Variants in CKAP5 observed in about 807,000 individuals in gnomAD.
CKAP5 encodes cytoskeleton associated protein 5.
In CKAP5, 27 loss-of-function variants were observed where a neutral mutation model predicts 232.8. That is an observed-to-expected ratio of 0.12 (90% CI 0.09 to 0.16). CKAP5 has a LOEUF of 0.16. Among genes scored for constraint, CKAP5 ranks in the 10% least tolerant of loss-of-function variants. The pLI is 1.00. For missense variants in CKAP5, 1,838 were observed against 2,424.7 expected, an observed-to-expected ratio of 0.76 and a Z score of 5.08; for synonymous variants, 785 against 841.1, an observed-to-expected ratio of 0.93 and a Z score of 1.16.
chr11:46,785,032 G>A lies in CKAP5; in HGVS notation c.1969-359C>T, dbSNP rs142214387. ...AAAATACACAATAAATTACTATACT[G>A]ACTGCATAACTGAGAATTACTACTA... On this transcript the variant is annotated intron_variant, in intron 16 of 43. Coordinates refer to ENST00000529230, the MANE Select transcript of CKAP5 (RefSeq NM_001008938.4). 7.5e-3 allele frequency among the ~76,000 whole-genome samples: 1,136 copies of A among 152,160 alleles called. 14 individuals carry two copies. Among genetic ancestry groups the A allele is most frequent in the Admixed American group, 0.013 (199 of 15,268 alleles).
At chr11:46,804,397 C>T (rs1027285021) in intron 8 of CKAP5, among the ~76,000 whole-genome samples, 9 of 152,132 alleles carry the variant, frequency 5.9e-5, no homozygotes, top group African/African-American at 2.2e-4. Flanking sequence ...TGAGGGGGGA[C>T]TCCATTTCAG....
At chr11:46,787,659 TAA>T (rs1265350217) in intron 16 of CKAP5, among the ~76,000 whole-genome samples, 2 of 152,186 alleles carry the variant, frequency 1.3e-5, no homozygotes, top group Admixed American at 1.3e-4. Context: ...CTTGAATATG[TAA>T]AGATTGGATA....
chr11:46,759,930 T>C (rs1270553811), intron 33 of CKAP5, among the ~76,000 whole-genome samples: 2 of 152,196 alleles, frequency 1.3e-5, no homozygotes, highest in Admixed American at 6.5e-5. Flanking sequence ...CACCCCTTTT[T>C]AGAATATTCA....
intron 8 of CKAP5, among the ~76,000 whole-genome samples, chr11:46,804,267 T>C (rs762801344): frequency 6.6e-6 from 1 of 152,208 alleles, no homozygotes; most frequent in African/African-American, 2.4e-5. Flanking sequence ...TACCCTAATA[T>C]AATACCTGCC....
intron 1 of CKAP5, among the ~76,000 whole-genome samples, chr11:46,844,770 T>C (rs1940140412): frequency 6.6e-6 from 1 of 151,614 alleles, no homozygotes; most frequent in South Asian, 2.1e-4. Context: ...GCCTCCCGAG[T>C]AGCTAGGATT....
rs1194216299 is a variant in CKAP5 at position 46,788,764 on chromosome 11, G to A, written c.1885C>T (p.Leu629=). ...CMEEFQKAVE[L]MDRTEMPCQA... is the part of the protein sequence containing the mutation. ...CATGGCATTTCAGTTCGGTCCATTA[G>A]CTCAACAGCCTTGAAGTAAAATAAG... The change falls in exon 16 of 44, where the codon CTA becomes TTA. Residue 629 remains leucine, a synonymous_variant. Coordinates refer to ENST00000529230, the MANE Select transcript of CKAP5 (RefSeq NM_001008938.4). 1 of 1,604,706 alleles carries A rather than the reference G, an allele frequency of 6.2e-7. No individual in the cohort carries two copies. Among genetic ancestry groups the A allele is most frequent in the African/African-American group, 1.3e-5 (1 of 74,438 alleles).
chr11:46,775,955 C>T (rs1446783952), intron 24 of CKAP5, among the ~76,000 whole-genome samples: 2 of 151,868 alleles, frequency 1.3e-5, no homozygotes, highest in African/African-American at 4.8e-5. Flanking sequence ...ACATGTATCC[C>T]AGAGCTTAAA....
At chr11:46,786,400 C>T (rs1362775346) in intron 16 of CKAP5, among the ~76,000 whole-genome samples, 2 of 152,162 alleles carry the variant, frequency 1.3e-5, no homozygotes, top group Non-Finnish European at 2.9e-5. Context: ...AAAGTTTTGA[C>T]CCAAAGTACT....
intron 18 of CKAP5, among the ~76,000 whole-genome samples, chr11:46,781,629 T>G (rs1361939760): frequency 6.6e-6 from 1 of 152,196 alleles, no homozygotes; most frequent in Non-Finnish European, 1.5e-5. Flanking sequence ...TTTTGGCATT[T>G]GCTCTTCCCT....
intron 1 of CKAP5, among the ~76,000 whole-genome samples, chr11:46,822,939 T>A (rs1317404881): frequency 6.6e-6 from 1 of 152,112 alleles, no homozygotes; most frequent in Non-Finnish European, 1.5e-5. Context: ...AAAGTCAACA[T>A]CCTTTTAATA....
chr11:46,769,847 G>C (rs1178044077), intron 26 of CKAP5, 116 bp downstream of exon 26: 1 of 1,134,652 alleles, frequency 8.8e-7, no homozygotes, highest in Non-Finnish European at 1.3e-6. Flanking sequence ...GAGAAGGAAG[G>C]AGAGCTTGGA....
rs1200912170 is a variant in CKAP5 at position 46,753,294 on chromosome 11, G to A, written c.5057+16C>T. 3 of 1,577,466 alleles carry A rather than the reference G, an allele frequency of 1.9e-6. No individual in the cohort carries two copies. In the South Asian group the frequency reaches 3.5e-5, roughly 18 times the overall value. On this transcript the variant is annotated intron_variant, in intron 37 of 43. Transcript: ENST00000529230. Reference sequence around the variant, plus strand: ...GAGGATGCCCCAGGCTCTATTGGCTGAGAGTACAGATATACCTCAGGATGT... The same window carrying A: ...GAGGATGCCCCAGGCTCTATTGGCTAAGAGTACAGATATACCTCAGGATGT...
At chr11:46,749,987 G>A (rs975636283) in intron 42 of CKAP5, among the ~76,000 whole-genome samples, 2 of 151,682 alleles carry the variant, frequency 1.3e-5, no homozygotes, top group Admixed American at 6.6e-5. Context: ...AGGCCAAGAA[G>A]GAATAGCCAG....
chr11:46,845,920 G>A (rs1450323892), intron 1 of CKAP5, among the ~76,000 whole-genome samples: 1 of 151,806 alleles, frequency 6.6e-6, no homozygotes, highest in African/African-American at 2.4e-5. Context: ...GCCGCCAGGC[G>A]CGGCCCTGCA....
rs749691034 is a variant in CKAP5, at chr11:46,751,391, G to A, written c.5277C>T (p.Thr1759=). ...ATAAGGTGTGTAGCAGGGTCTTTAGGGTCCTTATGGGAAATTCACTTTTGC... is the reference window on the plus strand; with the variant it reads ...ATAAGGTGTGTAGCAGGGTCTTTAGAGTCCTTATGGGAAATTCACTTTTGC... ...KQCKSEFPIR[T]LKTLLHTLCK... is the part of the protein sequence containing the mutation. Residue 1759 remains threonine (T), a synonymous_variant, in exon 39 of 44, where the codon ACC becomes ACT. Coordinates refer to ENST00000529230, the MANE Select transcript of CKAP5 (RefSeq NM_001008938.4). 7 of 1,613,854 alleles carry A rather than the reference G, an allele frequency of 4.3e-6. No individual in the cohort carries two copies. Among genetic ancestry groups the A allele is most frequent in the Non-Finnish European group, 5.9e-6 (7 of 1,180,004 alleles).
At chr11:46,818,268 AAC>A in intron 3 of CKAP5, 40 bp downstream of exon 3, 1 of 1,462,076 alleles carries the variant, frequency 6.8e-7, no homozygotes, top group Non-Finnish European at 9.2e-7. Flanking sequence ...TGTAACACCA[AAC>A]AGGGGTTTTT....
In CKAP5 at chr11:46,810,104, T is replaced by G. The variant is rs1939242285; in HGVS notation, c.631-230A>C. Among the ~76,000 whole-genome samples, 4 of 152,096 alleles carry G rather than the reference T, an allele frequency of 2.6e-5. No homozygotes were observed. The South Asian group carries it at 8.3e-4, about 32-fold the overall frequency. Reference sequence around the variant, plus strand: ...CCCGTGCCTCAGCCTCTCGAGTGGCTAGGATTACAGGTGTGCACTACCACA... The same window carrying G: ...CCCGTGCCTCAGCCTCTCGAGTGGCGAGGATTACAGGTGTGCACTACCACA... On this transcript the variant is annotated intron_variant, in intron 5 of 43. Transcript: ENST00000529230.
intron 17 of CKAP5, 113 bp downstream of exon 17, chr11:46,784,374 AG>A (rs1454949413): frequency 1.2e-6 from 1 of 821,144 alleles, no homozygotes; most frequent in Non-Finnish European, 1.9e-6. Flanking sequence ...AAAAAAATGC[AG>A]TATCAAAAAA....
At chr11:46,829,593 T>C (rs1419118334) in intron 1 of CKAP5, among the ~76,000 whole-genome samples, 1 of 152,242 alleles carries the variant, frequency 6.6e-6, no homozygotes, top group Non-Finnish European at 1.5e-5. Flanking sequence ...ACTGTAAGAA[T>C]ACAATATATA....
Sources: gnomAD v4.1 joint callset for allele counts (sites outside exome capture counted in the v4.1 genomes callset) on GRCh38, gnomAD v4.1.1 for gene constraint, MANE v1.5 for transcripts, NCBI Gene and HGNC (gene_info 2026-07-23, HGNC 2026-07-21) for gene names.